Variants in LITAF observed in about 807,000 individuals in gnomAD.
The protein encoded by LITAF is lipopolysaccharide-induced tumor necrosis factor-alpha factor.
Under a neutral mutation model 14.5 loss-of-function variants are expected in LITAF, and 9 were observed. That is an observed-to-expected ratio of 0.62 (90% CI 0.37 to 1.08). LITAF has a LOEUF of 1.08. LITAF is among the 50% of genes least tolerant of loss of function. The pLI is 0.01. For synonymous variants in LITAF, 98 were observed against 88.2 expected (o/e 1.11, Z -0.62); for missense variants, 206 against 213.4 (o/e 0.97, Z 0.22).
At chr16:11,594,663 G>A (rs1351684605) in intron 1 of LITAF, among the ~76,000 whole-genome samples, 1 of 152,054 alleles carries the variant, frequency 6.6e-6, no homozygotes, top group Admixed American at 6.6e-5. Context: ...ATCGCTTGAG[G>A]CTAAGAGTTT....
intron 3 of LITAF, among the ~76,000 whole-genome samples, chr16:11,610,852 G>C (rs961424040): frequency 6.6e-6 from 1 of 152,104 alleles, no homozygotes; most frequent in African/African-American, 2.4e-5. Context: ...TCACTCTTGG[G>C]TGGGGCTGGG....
At chr16:11,575,043 T>C (rs2064608746) in intron 1 of LITAF, among the ~76,000 whole-genome samples, 1 of 152,124 alleles carries the variant, frequency 6.6e-6, no homozygotes, top group Non-Finnish European at 1.5e-5. Flanking sequence ...CCTCAAGTGA[T>C]CCGCCCACCT....
chr16:11,585,948 G>C (rs2064798699), intron 1 of LITAF, among the ~76,000 whole-genome samples: 1 of 152,232 alleles, frequency 6.6e-6, no homozygotes, highest in Non-Finnish European at 1.5e-5. Context: ...CCTGAAGCAT[G>C]ACTGGCCCTT....
intron 1 of LITAF, among the ~76,000 whole-genome samples, chr16:11,565,327 C>G (rs1291347544): frequency 6.6e-6 from 1 of 151,942 alleles, no homozygotes; most frequent in Non-Finnish European, 1.5e-5. Flanking sequence ...AAGTGATCCA[C>G]CTGCCTCAGC....
At chr16:11,577,513 T>A (rs891486678) in intron 1 of LITAF, among the ~76,000 whole-genome samples, 5 of 151,976 alleles carry the variant, frequency 3.3e-5, no homozygotes, top group African/African-American at 1.2e-4. Flanking sequence ...AGATGAGGTT[T>A]CACCATGCTG....
intron 1 of LITAF, among the ~76,000 whole-genome samples, chr16:11,595,884 CATACTT>C (rs1314421610): frequency 2.6e-5 from 4 of 152,214 alleles, no homozygotes; most frequent in South Asian, 2.1e-4. Flanking sequence ...CTGTGTAAGA[CATACTT>C]ATACTAAACA....
upstream of LITAF, among the ~76,000 whole-genome samples, chr16:11,599,701 C>A (rs560642794): frequency 1.4e-4 from 21 of 152,234 alleles, no homozygotes; most frequent in African/African-American, 4.1e-4. Flanking sequence ...CCCTAAGCCT[C>A]GTCTCTTCTC....
intron 3 of LITAF, among the ~76,000 whole-genome samples, chr16:11,608,010 C>T (rs2064963422): frequency 6.6e-6 from 1 of 152,172 alleles, no homozygotes; most frequent in Admixed American, 6.5e-5. Flanking sequence ...CAGTAAACCC[C>T]CTCAGGCATG....
chr16:11,636,707 C>CAACA (rs879681532), upstream of LITAF, among the ~76,000 whole-genome samples: 2 of 152,072 alleles, frequency 1.3e-5, no homozygotes, highest in African/African-American at 4.8e-5. Flanking sequence ...GCACAGCTGC[C>CAACA]GGCATTCACC....
In LITAF at chr16:11,553,298, C is replaced by G. The variant is rs2064210130; in HGVS notation, c.377+235G>C. The G allele has an allele frequency of 1.8e-5, 9 of 505,150 alleles. No individual in the cohort carries two copies. In the East Asian group the frequency reaches 1.8e-4, roughly 10 times the overall value. 31.3% of individuals were successfully genotyped at this position (505,150 alleles called of 1,614,324 possible). ...TGGTTGTGCACCCCTATAATCCCAGCTACACGGGACGCTAAGGCAGGAGAA... is the reference window on the plus strand; with the variant it reads ...TGGTTGTGCACCCCTATAATCCCAGGTACACGGGACGCTAAGGCAGGAGAA... On this transcript the variant is annotated intron_variant, in intron 3 of 3. Coordinates refer to ENST00000622633, the MANE Select transcript of LITAF (RefSeq NM_001136472.2). The surrounding 1 kb of genome is among the most constrained non-coding windows in gnomAD (Gnocchi z 7.7).
chr16:11,616,628 T>C (rs144872704), intron 3 of LITAF, among the ~76,000 whole-genome samples: 3 of 152,336 alleles, frequency 2.0e-5, no homozygotes, highest in African/African-American at 7.2e-5. Context: ...ACATATTTCC[T>C]ATTGTATCAC....
intron 1 of LITAF, among the ~76,000 whole-genome samples, chr16:11,570,449 C>A (rs2064524848): frequency 6.6e-6 from 1 of 152,170 alleles, no homozygotes; most frequent in Non-Finnish European, 1.5e-5. Context: ...TCCACGGCTT[C>A]ACAGGTAGAC....
At chr16:11,554,626 C>A (rs1438821506) in intron 2 of LITAF, among the ~76,000 whole-genome samples, 1 of 151,662 alleles carries the variant, frequency 6.6e-6, no homozygotes, top group African/African-American at 2.4e-5. Flanking sequence ...AACCCTGTTT[C>A]TAAAGACAAA....
intron 1 of LITAF, among the ~76,000 whole-genome samples, chr16:11,572,313 C>G (rs562950838): frequency 6.6e-6 from 1 of 151,946 alleles, no homozygotes; most frequent in Non-Finnish European, 1.5e-5. Flanking sequence ...TCAAGCTGAC[C>G]ACAGCCCTCC....
chr16:11,626,441 T>C (rs894445423), intron 3 of LITAF, among the ~76,000 whole-genome samples: 56 of 147,562 alleles, frequency 3.8e-4, no homozygotes, highest in Non-Finnish European at 6.9e-4. Flanking sequence ...CCTCCTGGGT[T>C]CAAGGGATTC....
chr16:11,597,084 C>T (rs2064894047), intron 1 of LITAF, among the ~76,000 whole-genome samples: 3 of 152,138 alleles, frequency 2.0e-5, no homozygotes, highest in Non-Finnish European at 4.4e-5. Context: ...AGGCAGCTTT[C>T]TCACCCTCTC....
At chr16:11,581,331 C>T (rs1341212193) in intron 1 of LITAF, among the ~76,000 whole-genome samples, 1 of 152,174 alleles carries the variant, frequency 6.6e-6, no homozygotes, top group Non-Finnish European at 1.5e-5. Context: ...TACCCCAAAG[C>T]ACTCAAGTTC....
At position 11,549,098 on chromosome 16, in the gene LITAF, A is replaced by G. The variant is rs1052348254; in HGVS notation, c.*539T>C. On this transcript the variant is annotated 3_prime_UTR_variant, in exon 4 of 4. Transcript: ENST00000622633. The surrounding 1 kb of genome is among the most constrained non-coding windows in gnomAD (Gnocchi z 4.6). ...TTAAAGTGAATCTGTGTGCTAATGA[A>G]GTCTGCAGTTACAGAATCTCAAAGC... 3 of 453,968 alleles carry G rather than the reference A, an allele frequency of 6.6e-6. No homozygotes were observed. The highest frequency in any genetic ancestry group is 6.0e-5 in the African/African-American group (3 of 50,008). 28.1% of individuals were successfully genotyped at this position (453,968 alleles called of 1,614,324 possible). A position where few individuals can be genotyped will look rare whatever the true frequency, so the allele number is the denominator to read the frequency against.
intron 3 of LITAF, chr16:11,551,678 A>T (rs574933016): frequency 3.8e-5 from 24 of 629,958 alleles, no homozygotes; most frequent in East Asian, 1.7e-4. Context: ...AAAAAAATTT[A>T]AAAATTAGCT....
Sources: allele counts gnomAD v4.1 joint callset (sites outside exome capture counted in the v4.1 genomes callset), GRCh38; gene constraint gnomAD v4.1.1; non-coding constraint Gnocchi (gnomAD v3.1); transcripts MANE v1.5; gene names NCBI Gene and HGNC (gene_info 2026-07-23, HGNC 2026-07-21).